Variants in POF1B observed in about 807,000 individuals in gnomAD.
POF1B encodes protein POF1B.
Under a neutral mutation model 55.3 loss-of-function variants are expected in POF1B, and 53 were observed. The observed-to-expected ratio is 0.96, with a 90% CI of 0.77 to 1.20. The LOEUF (loss-of-function observed/expected upper bound fraction) is 1.20, where lower values mean the gene tolerates loss of function less well. POF1B is among the 50% of genes most tolerant of loss of function. POF1B has a pLI of 0.00. For synonymous variants in POF1B, 188 were observed against 148.3 expected, an observed-to-expected ratio of 1.27 and a Z score of -1.95; for missense variants, 478 against 420.5, an observed-to-expected ratio of 1.14 and a Z score of -1.20.
chrX:85,316,243 T>G (rs995438952), intron 7 of POF1B, among the ~76,000 whole-genome samples: 2 of 111,875 alleles, frequency 1.8e-5, no homozygotes, highest in African/African-American at 6.5e-5. Context: ...TAGTAGAGTA[T>G]ATTTGGTAAT....
rs368307176 is a variant in POF1B at position 85,351,471 on chromosome X, T to C, written c.439-20A>G. 11 of 1,116,825 alleles carry C rather than the reference T, an allele frequency of 9.8e-6. No individual in the cohort carries two copies. The Admixed American group carries it at 1.7e-4, about 17-fold the overall frequency. 92.0% of individuals were successfully genotyped at this position (1,116,825 alleles called of 1,213,427 possible). ...TGGTTCCTAAAATGATAGTAAATTA[T>C]ATGTTTTGTTTTGAAAGTTGTCTTT... On this transcript the variant is annotated intron_variant, in intron 4 of 16. Coordinates refer to ENST00000262753, the MANE Select transcript of POF1B (RefSeq NM_024921.4).
rs187944488 is a variant in POF1B, at chrX:85,356,920, G to A, written c.438+2630C>T. Among the ~76,000 whole-genome samples, 117 of 111,531 alleles carry A rather than the reference G, an allele frequency of 1.0e-3. 4 individuals are homozygous for A. In the Middle Eastern group the frequency reaches 0.014, roughly 13 times the overall value. On this transcript the variant is annotated intron_variant, in intron 4 of 16. Transcript: ENST00000262753. Reference sequence around the variant, plus strand: ...CCCAGGCCCCAAAATCTTGGTGGAAGAAACTTTTTTAAAAAAGATTTGCTG... The same window carrying A: ...CCCAGGCCCCAAAATCTTGGTGGAAAAAACTTTTTTAAAAAAGATTTGCTG...
intron 7 of POF1B, among the ~76,000 whole-genome samples, chrX:85,329,290 GTTGT>G (rs1290197765): frequency 8.9e-6 from 1 of 111,733 alleles, no homozygotes. Context: ...AGATGAAATA[GTTGT>G]TTGGGTAATG....
chrX:85,348,751 A>G (rs775897487), intron 5 of POF1B, among the ~76,000 whole-genome samples: 6 of 111,770 alleles, frequency 5.4e-5, no homozygotes, highest in Admixed American at 9.5e-5. Context: ...AACAGTAAAT[A>G]GCAGCAGTAT....
intron 9 of POF1B, among the ~76,000 whole-genome samples, chrX:85,313,607 G>A (rs1412518784): frequency 1.8e-5 from 2 of 111,358 alleles, no homozygotes; most frequent in African/African-American, 6.5e-5. Context: ...TTGCATCGAC[G>A]TTCATCAGGG....
At chrX:85,293,087 A>G (rs777053524) in intron 15 of POF1B, among the ~76,000 whole-genome samples, 3 of 112,071 alleles carry the variant, frequency 2.7e-5, no homozygotes, top group Non-Finnish European at 5.6e-5. Flanking sequence ...AGGTGTGTAA[A>G]TTAGTTCAGC....
At chrX:85,324,112 G>T (rs1032598737) in intron 7 of POF1B, among the ~76,000 whole-genome samples, 2 of 111,697 alleles carry the variant, frequency 1.8e-5, no homozygotes, top group African/African-American at 6.5e-5. Flanking sequence ...TTTTGTATTT[G>T]CTGATGATTG....
At chrX:85,351,874 A>T (rs1364903399) in intron 4 of POF1B, among the ~76,000 whole-genome samples, 3 of 109,788 alleles carry the variant, frequency 2.7e-5, no homozygotes, top group African/African-American at 6.8e-5. Flanking sequence ...TTTCAGCACG[A>T]CTAGGCCACA....
Position 85,379,349 on chromosome X carries a change from A to G in POF1B, c.106T>C (p.Ser36Pro), listed in dbSNP as rs1319561527. ...QPQHYHCYHQ[S>P]SQAQQPPEKN... The stretch of plus-strand genomic sequence containing the variant: ...TCTGGAGGCTGCTGGGCTTGGCTTG[A>G]CTGATGGTAGCAGTGGTAATGCTGG... Residue 36 changes from serine to proline, a missense_variant, in exon 2 of 17, where the codon TCA becomes CCA. Ser to Pro is a moderately conservative substitution (Grantham distance 74). Transcript: ENST00000262753. The G allele has an allele frequency of 1.7e-6, 2 of 1,209,850 alleles. No homozygotes were observed. The highest frequency in any genetic ancestry group is 2.2e-5 in the Admixed American group (1 of 45,780).
intron 6 of POF1B, among the ~76,000 whole-genome samples, chrX:85,332,541 A>G (rs764791014): frequency 4.5e-5 from 5 of 111,403 alleles, no homozygotes; most frequent in African/African-American, 1.6e-4. Flanking sequence ...CCCTAAAAAC[A>G]CATTTATTCT....
Position 85,278,535 on chromosome X carries a change from C to T in POF1B, c.*886G>A, listed in dbSNP as rs752981974. The T allele has an allele frequency of 9.0e-6, 1 of 111,413 alleles. No individual in the cohort carries two copies. The highest frequency in any genetic ancestry group is 1.9e-5 in the Non-Finnish European group (1 of 52,520). 9.2% of individuals were successfully genotyped at this position (111,413 alleles called of 1,213,427 possible). ...ATACTCTGCTACAAAATATTTCTCC[C>T]AAGTAGGATAAATCTATCAAGTATT... On this transcript the variant is annotated 3_prime_UTR_variant, in exon 17 of 17. Transcript: ENST00000262753.
rs763453237 is a variant in POF1B, at chrX:85,339,692, T to G, written c.723+6168A>C. On this transcript the variant is annotated intron_variant, in intron 6 of 16. Coordinates refer to ENST00000262753, the MANE Select transcript of POF1B (RefSeq NM_024921.4). ...AGCATCTGAGAGTATGTCTCCCTCCTTTGGAAATTTTTCAGATGAAGGGAA... is the reference window on the plus strand; with the variant it reads ...AGCATCTGAGAGTATGTCTCCCTCCGTTGGAAATTTTTCAGATGAAGGGAA... Among the ~76,000 whole-genome samples, 3 of 110,715 alleles carry G rather than the reference T, an allele frequency of 2.7e-5. No individual in the cohort carries two copies. The South Asian group carries it at 1.2e-3, about 43-fold the overall frequency.
At chrX:85,313,712 C>T (rs1932757041) in intron 9 of POF1B, among the ~76,000 whole-genome samples, 2 of 111,569 alleles carry the variant, frequency 1.8e-5, no homozygotes, top group African/African-American at 6.5e-5. Flanking sequence ...GGGGGAGTCT[C>T]TCTTTTACTA....
chrX:85,321,955 A>G (rs2147917677), intron 7 of POF1B, among the ~76,000 whole-genome samples: 1 of 110,876 alleles, frequency 9.0e-6, no homozygotes, highest in East Asian at 2.8e-4. Context: ...GATACAAACA[A>G]ATGGAAGAAC....
At chrX:85,348,503 A>G (rs1352302312) in intron 5 of POF1B, among the ~76,000 whole-genome samples, 4 of 110,625 alleles carry the variant, frequency 3.6e-5, no homozygotes, top group African/African-American at 6.6e-5. Context: ...CCTAAGAGCT[A>G]GTCCTATTTG....
In POF1B at chrX:85,367,765, T is replaced by C; in HGVS notation, c.284A>G (p.Glu95Gly). The C allele has an allele frequency of 1.8e-6, 2 of 1,129,140 alleles. No homozygotes were observed. The highest frequency in any genetic ancestry group is 2.4e-6 in the Non-Finnish European group (2 of 840,469). The allele number at this position is 1,129,140 out of a possible 1,213,427, so 93.1% of individuals were successfully genotyped here. ...TATTTTTAAAGTTGGAGAATGGAGTTCCTGTTAAGAGAAACAAAAGGGAGT... is the reference window on the plus strand; with the variant it reads ...TATTTTTAAAGTTGGAGAATGGAGTCCCTGTTAAGAGAAACAAAAGGGAGT... ...QNLVWSDHSQ[E>G]LHSPTLKIST... The change falls in exon 3 of 17, where the codon GAA (glutamate) becomes GGA (glycine). Residue 95 changes from glutamate to glycine, a missense_variant and splice_region_variant. Coordinates refer to ENST00000262753, the MANE Select transcript of POF1B (RefSeq NM_024921.4).
At chrX:85,299,818 T>C (rs1191908853) in intron 15 of POF1B, among the ~76,000 whole-genome samples, 1 of 112,356 alleles carries the variant, frequency 8.9e-6, no homozygotes, top group Non-Finnish European at 1.9e-5. Context: ...CTTAAAACAA[T>C]CTGGGTAAAA....
At chrX:85,345,758 C>T (rs1255676120) in intron 6 of POF1B, 102 bp downstream of exon 6, 1 of 757,766 alleles carries the variant, frequency 1.3e-6, no homozygotes, top group Non-Finnish European at 1.8e-6. Flanking sequence ...TATAACTTCT[C>T]AGTATTTTGA....
intron 4 of POF1B, among the ~76,000 whole-genome samples, chrX:85,354,288 T>C (rs1420493943): frequency 9.0e-6 from 1 of 110,946 alleles, no homozygotes; most frequent in Non-Finnish European, 1.9e-5. Flanking sequence ...CCTTATAACT[T>C]TTGTAGAATA....
Sources: gnomAD v4.1 joint callset for allele counts (sites outside exome capture counted in the v4.1 genomes callset) on GRCh38, gnomAD v4.1.1 for gene constraint, MANE v1.5 for transcripts, NCBI Gene and HGNC (gene_info 2026-07-23, HGNC 2026-07-21) for gene names.